IMMP2L: variants seen among roughly 807,000 people sequenced by gnomAD.
IMMP2L encodes mitochondrial inner membrane protease subunit 2.
IMMP2L carries 18 observed loss-of-function variants against 19.3 expected under a neutral mutation model. The observed-to-expected ratio is 0.93, with a 90% CI of 0.64 to 1.38. The LOEUF (loss-of-function observed/expected upper bound fraction) is 1.38. Ranked by LOEUF, IMMP2L falls within the 40% of genes most tolerant of loss-of-function variation. IMMP2L has a pLI of 0.00. For synonymous variants in IMMP2L, 76 were observed against 73.0 expected (o/e 1.04, Z -0.21); for missense variants, 233 against 218.2 (o/e 1.07, Z -0.43).
intron 5 of IMMP2L, among the ~76,000 whole-genome samples, chr7:110,878,808 A>G (rs1487718630): frequency 1.3e-5 from 2 of 152,136 alleles, no homozygotes; most frequent in East Asian, 3.9e-4. Context: ...TACTCTTCCA[A>G]ACATCACAGA....
At chr7:111,207,056 G>A (rs1025841170) in intron 3 of IMMP2L, among the ~76,000 whole-genome samples, 9 of 152,268 alleles carry the variant, frequency 5.9e-5, no homozygotes, top group Middle Eastern at 6.8e-3. Flanking sequence ...ATTTAACCTT[G>A]GAAGTGTCTC....
chr7:110,667,458 T>G (rs1220316643), intron 5 of IMMP2L, among the ~76,000 whole-genome samples: 1 of 152,234 alleles, frequency 6.6e-6, no homozygotes, highest in Non-Finnish European at 1.5e-5. Flanking sequence ...AGAATTAAGA[T>G]GCTAACCAGT....
At chr7:110,949,703 A>G (rs766005982) in intron 4 of IMMP2L, among the ~76,000 whole-genome samples, 11 of 152,148 alleles carry the variant, frequency 7.2e-5, no homozygotes, top group Non-Finnish European at 1.6e-4. Flanking sequence ...CTGTCTTTTT[A>G]AAGAGAAAGT....
chr7:111,368,087 C>A (rs930176171), intron 3 of IMMP2L, among the ~76,000 whole-genome samples: 6 of 150,250 alleles, frequency 4.0e-5, no homozygotes, highest in African/African-American at 1.5e-4. Flanking sequence ...CTAGATAATC[C>A]ACATTTTATA....
chr7:111,043,522 T>A (rs975656663), intron 3 of IMMP2L, among the ~76,000 whole-genome samples: 4 of 152,368 alleles, frequency 2.6e-5, no homozygotes, highest in Non-Finnish European at 5.9e-5. Flanking sequence ...CTTCTCCATC[T>A]TAGCTGAATT....
At position 111,001,116 on chromosome 7, in the gene IMMP2L, C is replaced by T. The variant is rs529490881; in HGVS notation, c.240-37551G>A. 3.3e-5 allele frequency among the ~76,000 whole-genome samples: 5 copies of T among 152,234 alleles called. No individual in the cohort carries two copies. In the South Asian group the frequency reaches 8.3e-4, roughly 25 times the overall value. On this transcript the variant is annotated intron_variant, in intron 3 of 5. Transcript: ENST00000405709. ...CATTATCAATGCAACACAGGTAAAC[C>T]TCTGCATGTAGAATCCTAGTGTAAG... is the stretch of plus-strand genomic sequence containing the variant.
At chr7:111,162,077 T>C (rs1357286831) in intron 3 of IMMP2L, among the ~76,000 whole-genome samples, 1 of 152,090 alleles carries the variant, frequency 6.6e-6, no homozygotes, top group Non-Finnish European at 1.5e-5. Flanking sequence ...CACACTAAAA[T>C]TGTTTATATC....
At chr7:111,339,235 G>T (rs1288341033) in intron 3 of IMMP2L, among the ~76,000 whole-genome samples, 4 of 151,706 alleles carry the variant, frequency 2.6e-5, no homozygotes, top group Non-Finnish European at 5.9e-5. Context: ...ATAATGCTTA[G>T]AACATCAAAT....
At chr7:111,449,177 G>A (rs1366821437) in intron 3 of IMMP2L, among the ~76,000 whole-genome samples, 4 of 146,910 alleles carry the variant, frequency 2.7e-5, no homozygotes, top group African/African-American at 7.6e-5. Context: ...CCAATCAATA[G>A]AAAAAGAGGG....
At chr7:111,048,844 A>T (rs2129572419) in intron 3 of IMMP2L, among the ~76,000 whole-genome samples, 1 of 152,234 alleles carries the variant, frequency 6.6e-6, no homozygotes, top group East Asian at 1.9e-4. Flanking sequence ...TTCTGCAAAG[A>T]TAGATGCTCA....
At chr7:111,550,300 A>G (rs1260025359) in intron 1 of IMMP2L, among the ~76,000 whole-genome samples, 1 of 152,160 alleles carries the variant, frequency 6.6e-6, no homozygotes, top group Non-Finnish European at 1.5e-5. Flanking sequence ...AGGGGTTAGG[A>G]GAAGGGAGGG....
chr7:110,813,748 ATT>A (rs3051188), intron 5 of IMMP2L, among the ~76,000 whole-genome samples: 3,047 of 149,652 alleles, frequency 0.02, 40 homozygotes, highest in Non-Finnish European at 0.03. Context: ...ACACACCAGG[ATT>A]TTTTTTTTTT....
chr7:110,950,992 C>T (rs998595396), intron 4 of IMMP2L, among the ~76,000 whole-genome samples: 2 of 151,180 alleles, frequency 1.3e-5, no homozygotes, highest in East Asian at 1.9e-4. Flanking sequence ...GAATGAACCT[C>T]GACAGTATTA....
At chr7:110,740,107 A>T (rs1796900788) in intron 5 of IMMP2L, among the ~76,000 whole-genome samples, 1 of 152,182 alleles carries the variant, frequency 6.6e-6, no homozygotes, top group Non-Finnish European at 1.5e-5. Context: ...TACATCAAAA[A>T]GTCTGACAGA....
At chr7:110,875,386 TTG>T (rs1239641124) in intron 5 of IMMP2L, among the ~76,000 whole-genome samples, 1 of 152,028 alleles carries the variant, frequency 6.6e-6, no homozygotes, top group Non-Finnish European at 1.5e-5. Context: ...TGCTTTGTTT[TTG>T]TGTTTGTGTT....
chr7:111,108,809 C>T (rs1321071722), intron 3 of IMMP2L, among the ~76,000 whole-genome samples: 2 of 151,944 alleles, frequency 1.3e-5, no homozygotes, highest in Non-Finnish European at 2.9e-5. Flanking sequence ...CAAATGAGTA[C>T]CTCGTACAGC....
intron 5 of IMMP2L, among the ~76,000 whole-genome samples, chr7:110,701,410 C>T (rs1794278999): frequency 6.6e-6 from 1 of 151,866 alleles, no homozygotes; most frequent in African/African-American, 2.4e-5. Context: ...GGAAACATGA[C>T]AAAAGAATTT....
At chr7:111,434,498 GA>G (rs1175590848) in intron 3 of IMMP2L, among the ~76,000 whole-genome samples, 2 of 150,882 alleles carry the variant, frequency 1.3e-5, no homozygotes, top group African/African-American at 4.9e-5. Flanking sequence ...CAAAGGACAT[GA>G]ACAGTCATTT....
chr7:111,076,222 G>A (rs1167253556), intron 3 of IMMP2L, among the ~76,000 whole-genome samples: 1 of 152,154 alleles, frequency 6.6e-6, no homozygotes, highest in Non-Finnish European at 1.5e-5. Flanking sequence ...GCAGGCTGTT[G>A]GAGATGCAGG....
Sources: gnomAD v4.1 joint callset for allele counts (sites outside exome capture counted in the v4.1 genomes callset) on GRCh38, gnomAD v4.1.1 for gene constraint, MANE v1.5 for transcripts, NCBI Gene and HGNC (gene_info 2026-07-23, HGNC 2026-07-21) for gene names.